Variants in TRPM3 observed in about 807,000 individuals in gnomAD.
TRPM3 encodes the protein long transient receptor potential channel 3.
Under a neutral mutation model 181.2 loss-of-function variants are expected in TRPM3, and 77 were observed. The ratio of observed to expected loss-of-function variants is 0.42; its 90% CI spans 0.35 to 0.51. The LOEUF is 0.51. Among genes scored for constraint, TRPM3 ranks in the 20% least tolerant of loss-of-function variants. TRPM3 has a pLI of 0.01. For synonymous variants in TRPM3, 745 were observed against 796.4 expected, an observed-to-expected ratio of 0.94 and a Z score of 1.09; for missense variants, 1,759 against 2,196.7, an observed-to-expected ratio of 0.80 and a Z score of 3.98.
chr9:71,299,574 G>C (rs890857569), intron 1 of TRPM3, among the ~76,000 whole-genome samples: 1 of 151,664 alleles, frequency 6.6e-6, no homozygotes, highest in Admixed American at 6.6e-5. Context: ...AAGGAAGGAG[G>C]GAAGAGAAAT....
chr9:71,140,473 CTCT>C (rs1330609057), intron 1 of TRPM3, among the ~76,000 whole-genome samples: 2 of 152,092 alleles, frequency 1.3e-5, no homozygotes, highest in African/African-American at 2.4e-5. Context: ...CCAATTCTAC[CTCT>C]TCTTCTCTCT....
intron 1 of TRPM3, among the ~76,000 whole-genome samples, chr9:71,017,949 AAAATT>A (rs2097798250): frequency 6.6e-6 from 1 of 151,888 alleles, no homozygotes; most frequent in African/African-American, 2.4e-5. Context: ...AAACCTAAAT[AAAATT>A]TTCAACATAA....
intron 1 of TRPM3, among the ~76,000 whole-genome samples, chr9:71,244,849 C>T (rs2081944073): frequency 1.3e-5 from 2 of 152,112 alleles, no homozygotes; most frequent in African/African-American, 4.8e-5. Context: ...TTTGATAGCA[C>T]TATACGGAAT....
chr9:70,583,497 A>G (rs2056457283), intron 22 of TRPM3, among the ~76,000 whole-genome samples: 1 of 152,232 alleles, frequency 6.6e-6, no homozygotes, highest in East Asian at 1.9e-4. Context: ...AAAATGGTCA[A>G]GATGGAACAA....
chr9:70,678,767 C>A (rs930488273), intron 9 of TRPM3, among the ~76,000 whole-genome samples: 1 of 152,194 alleles, frequency 6.6e-6, no homozygotes, highest in Non-Finnish European at 1.5e-5. Context: ...TGGTGTTAAA[C>A]CATGTTACAT....
chr9:71,364,953 A>G (rs1203419398), intron 1 of TRPM3, among the ~76,000 whole-genome samples: 1 of 152,228 alleles, frequency 6.6e-6, no homozygotes, highest in Non-Finnish European at 1.5e-5. Flanking sequence ...ATAAGATACT[A>G]TCTCATTTCT....
intron 1 of TRPM3, among the ~76,000 whole-genome samples, chr9:71,174,433 T>C (rs1268659338): frequency 1.3e-5 from 2 of 151,888 alleles, no homozygotes; most frequent in African/African-American, 2.4e-5. Context: ...TCCCAGCTAC[T>C]TGGGAGGCTG....
intron 1 of TRPM3, among the ~76,000 whole-genome samples, chr9:70,973,979 A>C (rs1188638816): frequency 6.6e-6 from 1 of 152,224 alleles, no homozygotes; most frequent in Non-Finnish European, 1.5e-5. Flanking sequence ...AAATGCCTGC[A>C]CATAGTTAAT....
In TRPM3 at chr9:70,811,234, C is replaced by T. The variant is rs200079844; in HGVS notation, c.973+16613G>A. 63 of 1,610,026 alleles carry T rather than the reference C, an allele frequency of 3.9e-5. No individual in the cohort carries two copies. In the East Asian group the frequency reaches 4.7e-4, roughly 12 times the overall value. On this transcript the variant is annotated intron_variant, in intron 6 of 25. Coordinates refer to ENST00000677713, the MANE Select transcript of TRPM3 (RefSeq NM_001366145.2). Reference sequence around the variant, plus strand: ...ACAAGCGGGAGTCAAGAGAGAAAAACGGCAGGCATCCTGTCAAAAAATAAA... The same window carrying T: ...ACAAGCGGGAGTCAAGAGAGAAAAATGGCAGGCATCCTGTCAAAAAATAAA...
intron 1 of TRPM3, among the ~76,000 whole-genome samples, chr9:71,384,896 A>G (rs1414351374): frequency 3.9e-5 from 6 of 152,188 alleles, no homozygotes; most frequent in Non-Finnish European, 8.8e-5. Context: ...AAAGGCATTC[A>G]TTCTTCAGTT....
intron 8 of TRPM3, among the ~76,000 whole-genome samples, chr9:70,683,873 A>T (rs948015585): frequency 5.3e-5 from 8 of 152,184 alleles, no homozygotes; most frequent in African/African-American, 1.9e-4. Flanking sequence ...TGGAGAAAGA[A>T]CCAGGGGACA....
intron 1 of TRPM3, among the ~76,000 whole-genome samples, chr9:71,399,190 G>T (rs1170291686): frequency 1.3e-5 from 2 of 152,074 alleles, no homozygotes; most frequent in Non-Finnish European, 2.9e-5. Flanking sequence ...ATTATATAAT[G>T]AAATACAATG....
At chr9:70,631,929 G>A (rs974014756) in intron 12 of TRPM3, among the ~76,000 whole-genome samples, 30 of 152,168 alleles carry the variant, frequency 2.0e-4, no homozygotes, top group African/African-American at 7.2e-4. Flanking sequence ...GTTCTTAAGA[G>A]TTATTTACAT....
chr9:71,201,174 TTTTC>T (rs1441239477), intron 1 of TRPM3, among the ~76,000 whole-genome samples: 1 of 151,826 alleles, frequency 6.6e-6, no homozygotes, highest in Non-Finnish European at 1.5e-5. Context: ...TTGAAAATTC[TTTTC>T]TTTAAGAATG....
intron 1 of TRPM3, among the ~76,000 whole-genome samples, chr9:71,040,113 A>G (rs1338151118): frequency 1.3e-5 from 2 of 152,222 alleles, no homozygotes; most frequent in Non-Finnish European, 2.9e-5. Flanking sequence ...GGCTCTTTCA[A>G]ACAAGGCTTT....
At chr9:70,759,647 G>A (rs1587961340) in intron 8 of TRPM3, among the ~76,000 whole-genome samples, 1 of 152,168 alleles carries the variant, frequency 6.6e-6, no homozygotes, top group African/African-American at 2.4e-5. Flanking sequence ...GGAATACTAT[G>A]CAGCCATAAA....
chr9:70,654,690 T>TTTG (rs989169090), intron 9 of TRPM3, among the ~76,000 whole-genome samples: 7 of 151,198 alleles, frequency 4.6e-5, no homozygotes, highest in Non-Finnish European at 8.9e-5. Flanking sequence ...TCTGTAGTTT[T>TTTG]TTTTTTTTTT....
intron 19 of TRPM3, among the ~76,000 whole-genome samples, chr9:70,607,022 C>T (rs1463755132): frequency 6.6e-6 from 1 of 152,054 alleles, no homozygotes; most frequent in African/African-American, 2.4e-5. Flanking sequence ...CTCTGACCTG[C>T]AGCCACTTCA....
At chr9:70,647,073 C>T (rs908421659) in intron 9 of TRPM3, among the ~76,000 whole-genome samples, 6 of 151,868 alleles carry the variant, frequency 4.0e-5, no homozygotes, top group Non-Finnish European at 8.8e-5. Context: ...AAGAAAATGC[C>T]CTGGACCAGC....
Sources: allele counts gnomAD v4.1 joint callset (sites outside exome capture counted in the v4.1 genomes callset), GRCh38; gene constraint gnomAD v4.1.1; transcripts MANE v1.5; gene names NCBI Gene and HGNC (gene_info 2026-07-23, HGNC 2026-07-21).